BABAM2: variants seen among roughly 807,000 people sequenced by gnomAD.
BABAM2 encodes the protein BRISC and BRCA1 A complex member 2, also known as BRISC and BRCA1-A complex member 2.
In BABAM2, 31 loss-of-function variants were observed where a neutral mutation model predicts 54.7. The observed-to-expected ratio is 0.57, with a 90% confidence interval of 0.43 to 0.77. The LOEUF is 0.77. Ranked by LOEUF, BABAM2 falls within the 30% of genes least tolerant of loss-of-function variation. The pLI, the probability that BABAM2 is intolerant of heterozygous loss-of-function variation, is 0.00. For synonymous variants in BABAM2, 167 were observed against 162.9 expected (o/e 1.03, Z -0.19); for missense variants, 364 against 455.8 (o/e 0.80, Z 1.83).
chr2:27,904,938 G>A (rs1179921010), intron 2 of BABAM2, among the ~76,000 whole-genome samples: 23 of 152,178 alleles, frequency 1.5e-4, no homozygotes, highest in Non-Finnish European at 3.2e-4. Context: ...TAGCTATATG[G>A]CAGACCTAGA....
chr2:28,242,649 A>C (rs1454756763), intron 9 of BABAM2, among the ~76,000 whole-genome samples: 2 of 152,352 alleles, frequency 1.3e-5, no homozygotes, highest in East Asian at 3.9e-4. Flanking sequence ...TAGGGAGAGA[A>C]GATGAAACCA....
intron 6 of BABAM2, among the ~76,000 whole-genome samples, chr2:28,078,944 G>A (rs533880767): frequency 6.6e-6 from 1 of 152,010 alleles, no homozygotes; most frequent in Admixed American, 6.5e-5. Context: ...TAAACAAGTG[G>A]TTCTCATTTA....
At chr2:28,084,595 A>T (rs6748325) in intron 6 of BABAM2, among the ~76,000 whole-genome samples, 2,209 of 152,198 alleles carry the variant, frequency 0.015, 41 homozygotes, top group African/African-American at 0.05. Flanking sequence ...GGGTGTCTTC[A>T]TTTTGGGTAG....
At chr2:28,285,890 G>A (rs1265650552) in intron 10 of BABAM2, among the ~76,000 whole-genome samples, 3 of 151,502 alleles carry the variant, frequency 2.0e-5, no homozygotes, top group South Asian at 4.2e-4. Flanking sequence ...GAGATGTTTT[G>A]TAGAGAGGAA....
rs1420479201 is a variant in BABAM2, at chr2:28,013,875, A to C, written c.301-11351A>C. 2.0e-5 allele frequency among the ~76,000 whole-genome samples: 3 copies of C among 152,094 alleles called. No individual in the cohort carries two copies. The East Asian group carries it at 5.8e-4, about 29-fold the overall frequency. On this transcript the variant is annotated intron_variant, in intron 4 of 11. Transcript: ENST00000379624. The stretch of plus-strand genomic sequence containing the variant: ...CCATGGCTGCTCCCAAAAACTCCCC[A>C]AAACAGTTGAGTTTTTCTGGAGCAA...
chr2:28,157,023 T>A (rs868599777), intron 7 of BABAM2, among the ~76,000 whole-genome samples: 2 of 152,244 alleles, frequency 1.3e-5, no homozygotes, highest in Admixed American at 6.5e-5. Flanking sequence ...ATTTTTAGAC[T>A]TCTGTGAGAA....
intron 7 of BABAM2, among the ~76,000 whole-genome samples, chr2:28,179,987 A>G (rs1675443346): frequency 6.6e-6 from 1 of 152,164 alleles, no homozygotes; most frequent in Admixed American, 6.5e-5. Flanking sequence ...AAATTGAAAA[A>G]CAGCCTACCC....
intron 3 of BABAM2, among the ~76,000 whole-genome samples, chr2:27,969,366 A>G (rs1469605311): frequency 2.0e-5 from 3 of 152,142 alleles, no homozygotes; most frequent in Non-Finnish European, 4.4e-5. Flanking sequence ...AGAGAAAGAG[A>G]GGGAGAAAAG....
intron 4 of BABAM2, chr2:28,016,011 C>T (rs1674782924): frequency 3.7e-5 from 23 of 616,642 alleles, no homozygotes; most frequent in South Asian, 3.7e-4. Context: ...ACTTCTTTTT[C>T]TTTTTTAAAT....
At chr2:27,955,711 C>T (rs1402332315) in intron 3 of BABAM2, among the ~76,000 whole-genome samples, 1 of 152,112 alleles carries the variant, frequency 6.6e-6, no homozygotes, top group African/African-American at 2.4e-5. Flanking sequence ...GTGTTTTATT[C>T]CCTTAACATT....
At chr2:27,904,509 A>G (rs993713103) in intron 2 of BABAM2, among the ~76,000 whole-genome samples, 2 of 152,214 alleles carry the variant, frequency 1.3e-5, no homozygotes, top group Admixed American at 6.5e-5. Context: ...TCAGTCGTTG[A>G]CAACACCCAT....
intron 2 of BABAM2, chr2:27,896,445 A>T (rs1665331519): frequency 6.6e-6 from 1 of 152,612 alleles, no homozygotes; most frequent in African/African-American, 2.4e-5. Context: ...CTCTCCACTT[A>T]GGTGCACCTG....
rs1174037780 is a variant in BABAM2 at position 28,304,355 on chromosome 2, C to A, written c.1088+5864C>A. Among the ~76,000 whole-genome samples, 1 of 150,844 alleles carries A rather than the reference C, an allele frequency of 6.6e-6. No individual in the cohort carries two copies. Among genetic ancestry groups the A allele is most frequent in the South Asian group, 2.1e-4 (1 of 4,806 alleles). Reference sequence around the variant, plus strand: ...ACAGGCATGAGCCACTGCATTCCACCTGTTTTTGCTTTTATTGTAAATTAT... The same window carrying A: ...ACAGGCATGAGCCACTGCATTCCACATGTTTTTGCTTTTATTGTAAATTAT... On this transcript the variant is annotated intron_variant, in intron 11 of 11. Transcript: ENST00000379624. This position sits in a 1 kb window ranked among gnomAD's most constrained non-coding sequence, Gnocchi z 4.0.
At chr2:27,992,074 T>C (rs1288258514) in intron 4 of BABAM2, among the ~76,000 whole-genome samples, 1 of 152,212 alleles carries the variant, frequency 6.6e-6, no homozygotes, top group Non-Finnish European at 1.5e-5. Flanking sequence ...TGGTATCTCA[T>C]ACCCACAAAT....
intron 10 of BABAM2, among the ~76,000 whole-genome samples, chr2:28,297,014 A>G (rs538710030): frequency 6.6e-6 from 1 of 152,178 alleles, no homozygotes; most frequent in Non-Finnish European, 1.5e-5. Flanking sequence ...ATTTTTAAAT[A>G]TATCTTCCTC....
At chr2:28,129,657 T>A (rs1669859922) in intron 7 of BABAM2, among the ~76,000 whole-genome samples, 1 of 152,204 alleles carries the variant, frequency 6.6e-6, no homozygotes, top group Non-Finnish European at 1.5e-5. Context: ...AAATTGAGAC[T>A]CCTTCCAGAT....
chr2:28,182,511 C>T (rs1675759150), intron 7 of BABAM2, among the ~76,000 whole-genome samples: 1 of 152,150 alleles, frequency 6.6e-6, no homozygotes. Context: ...GGAACAGAGA[C>T]ATCCTCCCGT....
chr2:28,310,973 T>C (rs1270920948), intron 11 of BABAM2, among the ~76,000 whole-genome samples: 2 of 145,906 alleles, frequency 1.4e-5, no homozygotes, highest in African/African-American at 2.5e-5. Context: ...TCAAGAACAA[T>C]TGAGTGGGCT....
intron 5 of BABAM2, among the ~76,000 whole-genome samples, chr2:28,031,292 G>A (rs953217793): frequency 2.6e-5 from 4 of 152,112 alleles, no homozygotes; most frequent in East Asian, 1.9e-4. Context: ...CAGGTGTTTC[G>A]TGGAATGTCA....
Sources: allele counts gnomAD v4.1 joint callset (sites outside exome capture counted in the v4.1 genomes callset), GRCh38; gene constraint gnomAD v4.1.1; non-coding constraint Gnocchi (gnomAD v3.1); transcripts MANE v1.5; gene names NCBI Gene and HGNC (gene_info 2026-07-23, HGNC 2026-07-21).